The following ATXN1 variants were observed in gnomAD, a reference collection of about 807,000 sequenced individuals.
ATXN1 encodes the protein ataxin 1.
A neutral mutation model predicts 56.4 loss-of-function variants in ATXN1; 8 were observed. That is an observed-to-expected ratio of 0.14 (90% CI 0.08 to 0.26). ATXN1 has a LOEUF of 0.26. Among genes scored for constraint, ATXN1 ranks in the 10% least tolerant of loss-of-function variants. ATXN1 has a pLI of 1.00. For missense variants in ATXN1, 987 were observed against 1,106.5 expected (o/e 0.89, Z 1.53); for synonymous variants, 514 against 494.6 (o/e 1.04, Z -0.52).
At chr6:16,331,873 C>A (rs1761000526) in intron 6 of ATXN1, among the ~76,000 whole-genome samples, 1 of 152,318 alleles carries the variant, frequency 6.6e-6, no homozygotes, top group East Asian at 1.9e-4. Flanking sequence ...CTCAGTAGTG[C>A]TCAGGTTTAA....
At chr6:16,329,099 T>A (rs556693645) in intron 6 of ATXN1, among the ~76,000 whole-genome samples, 7 of 152,244 alleles carry the variant, frequency 4.6e-5, no homozygotes, top group African/African-American at 1.7e-4. Context: ...CCTGTTTTTT[T>A]TTCTCCTTTT....
chr6:16,398,807 C>T (rs1211743792), intron 6 of ATXN1, among the ~76,000 whole-genome samples: 2 of 152,216 alleles, frequency 1.3e-5, no homozygotes, highest in Admixed American at 1.3e-4. Context: ...AAAAACACAA[C>T]ACTGCTTATG....
intron 2 of ATXN1, chr6:16,737,425 GA>G (rs1220514355): frequency 3.3e-5 from 5 of 152,206 alleles, no homozygotes; most frequent in African/African-American, 1.2e-4. Flanking sequence ...TAGGGTGTAT[GA>G]AGAACAGAAA....
intron 3 of ATXN1, among the ~76,000 whole-genome samples, chr6:16,626,816 G>A (rs1308096937): frequency 6.6e-6 from 1 of 152,198 alleles, no homozygotes; most frequent in Non-Finnish European, 1.5e-5. Context: ...TGGTGTCCTT[G>A]TAACAGGAGA....
Position 16,634,208 on chromosome 6 carries a change from T to G in ATXN1, c.-489+23568A>C, listed in dbSNP as rs1038084663. On this transcript the variant is annotated intron_variant, in intron 3 of 7. Coordinates refer to ENST00000436367, the MANE Select transcript of ATXN1 (RefSeq NM_001128164.2). ...TTAATCCATCTAAACTAACCCCATC[T>G]AGTTCTGGCATCCATGCAATCAATA... is the stretch of plus-strand genomic sequence containing the variant. 5.9e-5 allele frequency among the ~76,000 whole-genome samples: 9 copies of G among 152,346 alleles called. No homozygotes were observed. The South Asian group carries it at 8.3e-4, about 14-fold the overall frequency.
intron 3 of ATXN1, among the ~76,000 whole-genome samples, chr6:16,637,606 T>G: frequency 6.6e-6 from 1 of 152,188 alleles, no homozygotes; most frequent in Non-Finnish European, 1.5e-5. Context: ...ACAAGTGAAT[T>G]CTTAGCAGGG....
chr6:16,529,866 G>T (rs1761469079), intron 4 of ATXN1, among the ~76,000 whole-genome samples: 1 of 152,082 alleles, frequency 6.6e-6, no homozygotes, highest in Admixed American at 6.6e-5. Flanking sequence ...TTGTGACCCA[G>T]CTCTGATAGC....
At chr6:16,597,440 A>ATTT (rs375525131) in intron 3 of ATXN1, among the ~76,000 whole-genome samples, 9 of 143,044 alleles carry the variant, frequency 6.3e-5, no homozygotes, top group Non-Finnish European at 3.0e-5. Context: ...GCATAAATCT[A>ATTT]TTTTTTTTTT....
At chr6:16,429,443 T>G (rs1242387060) in intron 6 of ATXN1, among the ~76,000 whole-genome samples, 1 of 136,334 alleles carries the variant, frequency 7.3e-6, no homozygotes. Context: ...TTTTTTTTTT[T>G]GAGAAAGAGT....
intron 6 of ATXN1, among the ~76,000 whole-genome samples, chr6:16,346,595 C>T (rs1038023369): frequency 6.6e-6 from 1 of 152,170 alleles, no homozygotes; most frequent in Non-Finnish European, 1.5e-5. Flanking sequence ...CATGTTAGAC[C>T]GGGCTAACTG....
chr6:16,738,549 T>C (rs1410269083), intron 2 of ATXN1: 1 of 152,236 alleles, frequency 6.6e-6, no homozygotes, highest in Non-Finnish European at 1.5e-5. Flanking sequence ...AGTATGTGTA[T>C]GGGTGTGTGT....
intron 6 of ATXN1, among the ~76,000 whole-genome samples, chr6:16,460,038 C>CA (rs1293615777): frequency 3.3e-5 from 5 of 152,106 alleles, no homozygotes; most frequent in Non-Finnish European, 7.4e-5. Context: ...CACATTAAAA[C>CA]AGTTGTGGGG....
chr6:16,324,750 T>A (rs1760761719), intron 7 of ATXN1, among the ~76,000 whole-genome samples: 1 of 152,168 alleles, frequency 6.6e-6, no homozygotes, highest in African/African-American at 2.4e-5. Flanking sequence ...TCTAAGAACC[T>A]GGAAAAGGGT....
chr6:16,761,072 A>ACACACACACACACACG (rs1491037263), intron 1 of ATXN1: 8 of 351,764 alleles, frequency 2.3e-5, no homozygotes, highest in African/African-American at 1.8e-4. Context: ...ACATACACAC[A>ACACACACACACACACG]CACACACACA....
At chr6:16,557,346 A>C (rs1242836055) in intron 4 of ATXN1, among the ~76,000 whole-genome samples, 8 of 144,266 alleles carry the variant, frequency 5.5e-5, no homozygotes, top group Non-Finnish European at 9.1e-5. Context: ...AAAAAAAAAA[A>C]CAAATCTACA....
intron 5 of ATXN1, among the ~76,000 whole-genome samples, chr6:16,508,531 GTC>G (rs2113681456): frequency 6.6e-6 from 1 of 152,216 alleles, no homozygotes; most frequent in East Asian, 1.9e-4. Flanking sequence ...AGACTCAACT[GTC>G]TATCTGAAAT....
chr6:16,519,194 G>T (rs1181441008), intron 5 of ATXN1, among the ~76,000 whole-genome samples: 1 of 152,100 alleles, frequency 6.6e-6, no homozygotes, highest in African/African-American at 2.4e-5. Flanking sequence ...TCCTTGAAGG[G>T]CTTAGCCTCG....
chr6:16,411,125 C>CAA (rs746717153), intron 6 of ATXN1, among the ~76,000 whole-genome samples: 21,039 of 80,298 alleles, frequency 0.26, 2,509 homozygotes, highest in Non-Finnish European at 0.31. Context: ...ACCTCTGTGT[C>CAA]AAAAAAAAAA....
chr6:16,545,651 G>A (rs557740831), intron 4 of ATXN1, among the ~76,000 whole-genome samples: 76 of 152,308 alleles, frequency 5.0e-4, no homozygotes, highest in African/African-American at 1.8e-3. Flanking sequence ...GCTAACAAGA[G>A]AACACTGGAA....
Sources: gnomAD v4.1 joint callset for allele counts (sites outside exome capture counted in the v4.1 genomes callset) on GRCh38, gnomAD v4.1.1 for gene constraint, MANE v1.5 for transcripts, NCBI Gene and HGNC (gene_info 2026-07-23, HGNC 2026-07-21) for gene names.